The following BCHE variants were observed in gnomAD, a reference collection of about 807,000 sequenced individuals.
BCHE encodes the protein cholinesterase.
BCHE carries 48 observed loss-of-function variants against 51.3 expected under a neutral mutation model. That is an observed-to-expected ratio of 0.94 (90% CI 0.74 to 1.19). The LOEUF (loss-of-function observed/expected upper bound fraction) is 1.19. BCHE is among the 50% of genes most tolerant of loss of function. The probability of loss-of-function intolerance (pLI) is 0.00; values close to 1 mark genes in which losing one functional copy is unlikely to be tolerated. For synonymous variants in BCHE, 251 were observed against 238.0 expected (o/e 1.05, Z -0.50); for missense variants, 847 against 708.2 (o/e 1.20, Z -2.23).
chr3:165,782,175 C>A (rs1168441567), intron 3 of BCHE, among the ~76,000 whole-genome samples: 5 of 152,118 alleles, frequency 3.3e-5, no homozygotes, highest in African/African-American at 1.2e-4. Flanking sequence ...TATTCTTCAG[C>A]TTTCTATGCC....
At chr3:165,828,852 AAT>A (rs1714834982) in intron 2 of BCHE, among the ~76,000 whole-genome samples, 1 of 152,086 alleles carries the variant, frequency 6.6e-6, no homozygotes, top group Admixed American at 6.6e-5. Context: ...ATATGGGGGA[AAT>A]ATGTTTTTTG....
intron 1 of BCHE, among the ~76,000 whole-genome samples, chr3:165,834,165 G>T (rs1259767817): frequency 6.6e-6 from 1 of 151,934 alleles, no homozygotes; most frequent in African/African-American, 2.4e-5. Context: ...CATTGTTTAT[G>T]TTAAACAGTT....
chr3:165,814,416 A>G (rs570100382), intron 2 of BCHE, among the ~76,000 whole-genome samples: 21 of 152,268 alleles, frequency 1.4e-4, no homozygotes, highest in African/African-American at 5.1e-4. Context: ...TTCAGGTTAA[A>G]GGAGAAGGCA....
intron 2 of BCHE, among the ~76,000 whole-genome samples, chr3:165,824,558 A>T (rs1182321546): frequency 6.6e-6 from 1 of 152,086 alleles, no homozygotes; most frequent in African/African-American, 2.4e-5. Flanking sequence ...TAACAAAATC[A>T]TCAAGAAAAC....
intron 2 of BCHE, among the ~76,000 whole-genome samples, chr3:165,821,991 T>C (rs1714542199): frequency 6.6e-6 from 1 of 151,886 alleles, no homozygotes; most frequent in Non-Finnish European, 1.5e-5. Flanking sequence ...CCTTAAAGTG[T>C]AAGGGAATAA....
chr3:165,800,881 TAATA>T (rs1368496351), intron 2 of BCHE, among the ~76,000 whole-genome samples: 1 of 152,168 alleles, frequency 6.6e-6, no homozygotes, highest in South Asian at 2.1e-4. Flanking sequence ...TGGAGATTAA[TAATA>T]AATAAATTGA....
chr3:165,828,731 A>AG, intron 2 of BCHE, among the ~76,000 whole-genome samples: 1 of 152,110 alleles, frequency 6.6e-6, no homozygotes, highest in South Asian at 2.1e-4. Context: ...ATGTAGTGGG[A>AG]GAAAAAAAAA....
intron 2 of BCHE, chr3:165,828,033 T>C (rs766782120): frequency 4.4e-6 from 2 of 456,132 alleles, no homozygotes; most frequent in South Asian, 3.1e-5. Context: ...CAGGTTCTGT[T>C]TCAAGAACGT....
At chr3:165,778,962 T>C (rs1712578366) in intron 3 of BCHE, among the ~76,000 whole-genome samples, 1 of 152,076 alleles carries the variant, frequency 6.6e-6, no homozygotes, top group African/African-American at 2.4e-5. Flanking sequence ...TAATTGCTAT[T>C]AGGAATATTT....
intron 3 of BCHE, chr3:165,778,724 A>G (rs1013648176): frequency 2.2e-6 from 1 of 453,436 alleles, no homozygotes; most frequent in African/African-American, 2.0e-5. Flanking sequence ...GGCTCACAGT[A>G]GCAGCATATA....
intron 3 of BCHE, among the ~76,000 whole-genome samples, chr3:165,783,810 T>TTGTA (rs1182125375): frequency 6.6e-6 from 1 of 152,044 alleles, no homozygotes; most frequent in Non-Finnish European, 1.5e-5. Context: ...TATTGAATAG[T>TTGTA]TGTATCCTTG....
Position 165,830,244 on chromosome 3 carries a change from G to C in BCHE, c.790C>G (p.Leu264Val), listed in dbSNP as rs1249143572. The change falls in exon 2 of 4, where the codon CTT becomes GTT. Residue 264 changes from leucine to valine, a missense_variant. Coordinates refer to ENST00000264381, the MANE Select transcript of BCHE (RefSeq NM_000055.4). ...SFNAPWAVTS[L>V]YEARNRTLNL... ...AACGTTCTGTTCCTAGCTTCATAAA[G>C]AGATGTTACCGCCCAAGGAGCATTA... 1 of 1,614,024 alleles carries C rather than the reference G, an allele frequency of 6.2e-7. No homozygotes were observed. Among genetic ancestry groups the C allele is most frequent in the Admixed American group, 1.7e-5 (1 of 59,972 alleles).
chr3:165,837,193 T>C (rs1715218764), intron 1 of BCHE, 121 bp downstream of exon 1: 2 of 524,702 alleles, frequency 3.8e-6, no homozygotes, highest in Non-Finnish European at 3.1e-6. Context: ...CTTCAGTAAC[T>C]GTTCCCCACA....
At chr3:165,808,782 G>A (rs6805552) in intron 2 of BCHE, among the ~76,000 whole-genome samples, 149,048 of 152,136 alleles carry the variant, frequency 0.98, 73,028 homozygotes, top group East Asian at 1. Flanking sequence ...AAAAAAGGCT[G>A]TGACTATACT....
intron 2 of BCHE, among the ~76,000 whole-genome samples, chr3:165,794,117 A>G (rs1277759568): frequency 6.6e-6 from 1 of 152,082 alleles, no homozygotes; most frequent in Non-Finnish European, 1.5e-5. Context: ...TCTTAACTAT[A>G]TACCCAAATA....
chr3:165,834,035 A>C (rs545466350), intron 1 of BCHE, among the ~76,000 whole-genome samples: 1 of 152,154 alleles, frequency 6.6e-6, no homozygotes, highest in East Asian at 1.9e-4. Flanking sequence ...ATTGAAATAA[A>C]TTTTGGTCTC....
chr3:165,785,695 G>A (rs1035904027), intron 3 of BCHE, among the ~76,000 whole-genome samples: 2 of 151,178 alleles, frequency 1.3e-5, no homozygotes, highest in African/African-American at 4.8e-5. Flanking sequence ...TGTAAACTTC[G>A]GAGTTTTTTT....
intron 2 of BCHE, among the ~76,000 whole-genome samples, chr3:165,822,167 A>T (rs2108229239): frequency 6.6e-6 from 1 of 152,130 alleles, no homozygotes; most frequent in East Asian, 1.9e-4. Flanking sequence ...AGAAAATATT[A>T]ACCATTTCAG....
At chr3:165,810,029 TAA>T (rs764821990) in intron 2 of BCHE, among the ~76,000 whole-genome samples, 4 of 152,194 alleles carry the variant, frequency 2.6e-5, no homozygotes, top group African/African-American at 4.8e-5. Context: ...ATTGATAGCA[TAA>T]GTTACTATTA....
Sources: allele counts gnomAD v4.1 joint callset (sites outside exome capture counted in the v4.1 genomes callset), GRCh38; gene constraint gnomAD v4.1.1; transcripts MANE v1.5; gene names NCBI Gene and HGNC (gene_info 2026-07-23, HGNC 2026-07-21).